ATG13: variants seen among roughly 807,000 people sequenced by gnomAD.
The protein encoded by ATG13 is autophagy-related protein 13.
In ATG13, 23 loss-of-function variants were observed where a neutral mutation model predicts 65.5. That is an observed-to-expected ratio of 0.35 (90% CI 0.25 to 0.50). ATG13 has a LOEUF of 0.50. Ranked by LOEUF, ATG13 falls within the 20% of genes least tolerant of loss-of-function variation. The pLI is 0.98. For missense variants in ATG13, 566 were observed against 677.0 expected (o/e 0.84, Z 1.82); for synonymous variants, 252 against 245.2 (o/e 1.03, Z -0.26).
chr11:46,618,913 G>A (rs2135494160), intron 1 of ATG13, among the ~76,000 whole-genome samples: 1 of 152,250 alleles, frequency 6.6e-6, no homozygotes, highest in South Asian at 2.1e-4. Context: ...AAACTCCTGG[G>A]CTCAGGGAAT....
chr11:46,657,010 A>T (rs1565564581), intron 8 of ATG13, 85 bp from the exon 9 acceptor site: 1 of 1,131,636 alleles, frequency 8.8e-7, no homozygotes, highest in Admixed American at 1.7e-5. Context: ...ATTACACAAT[A>T]GGCCAAATAA....
chr11:46,654,523 C>G lies in ATG13; in HGVS notation c.459-1710C>G, dbSNP rs1436994766. On this transcript the variant is annotated intron_variant, in intron 7 of 18. Transcript: ENST00000683050. ...ATCGCTTGAGTTCAGGAGTTCGATACCAGCCTGGGCAACACACCGAGACCC... is the reference window on the plus strand; with the variant it reads ...ATCGCTTGAGTTCAGGAGTTCGATAGCAGCCTGGGCAACACACCGAGACCC... 2.0e-5 allele frequency among the ~76,000 whole-genome samples: 3 copies of G among 148,646 alleles called. No individual in the cohort carries two copies. In the East Asian group the frequency reaches 6.0e-4, roughly 30 times the overall value.
intron 7 of ATG13, among the ~76,000 whole-genome samples, chr11:46,651,446 C>G (rs2058871873): frequency 6.6e-6 from 1 of 152,162 alleles, no homozygotes; most frequent in Admixed American, 6.6e-5. Flanking sequence ...AGGGTCAGAG[C>G]TCTGCTCAGA....
intron 5 of ATG13, chr11:46,648,859 A>G (rs1460696640): frequency 2.3e-5 from 5 of 221,112 alleles, no homozygotes; most frequent in African/African-American, 1.1e-4. Context: ...ATAAAATGAT[A>G]GTCATATGGT....
At position 46,672,370 on chromosome 11, in the gene ATG13, G is replaced by T. The variant is rs762346949; in HGVS notation, c.*38G>T. 2 of 1,613,880 alleles carry T rather than the reference G, an allele frequency of 1.2e-6. No homozygotes were observed. The highest frequency in any genetic ancestry group is 1.7e-6 in the Non-Finnish European group (2 of 1,179,828). On this transcript the variant is annotated 3_prime_UTR_variant, in exon 19 of 19. Coordinates refer to ENST00000683050, the MANE Select transcript of ATG13 (RefSeq NM_001346311.2). ...GTCCCAGCAGCACCCCCTTTTTGTG[G>T]CCCCAGGGCATAAGCAGCCTCCCAT... is the stretch of plus-strand genomic sequence containing the variant.
intron 11 of ATG13, among the ~76,000 whole-genome samples, chr11:46,663,486 T>C (rs986844163): frequency 6.6e-6 from 1 of 152,090 alleles, no homozygotes; most frequent in Admixed American, 6.6e-5. Flanking sequence ...GAAGCATGCA[T>C]CTGAGCTTCT....
chr11:46,665,564 G>T (rs755969994), intron 14 of ATG13, 45 bp downstream of exon 14: 3 of 1,603,940 alleles, frequency 1.9e-6, no homozygotes, highest in South Asian at 2.2e-5. Flanking sequence ...CTGGCCAGGG[G>T]CCTGGGCTCC....
intron 7 of ATG13, among the ~76,000 whole-genome samples, chr11:46,652,742 T>C (rs565784816): frequency 6.6e-6 from 1 of 152,278 alleles, no homozygotes; most frequent in East Asian, 1.9e-4. Flanking sequence ...AGAAAAAGTT[T>C]AGCAAATTTT....
At chr11:46,650,669 G>C (rs980887694) in intron 7 of ATG13, among the ~76,000 whole-genome samples, 1 of 152,180 alleles carries the variant, frequency 6.6e-6, no homozygotes, top group Non-Finnish European at 1.5e-5. Flanking sequence ...GCAATGGCGC[G>C]ATCTTGGCCC....
intron 13 of ATG13, 94 bp downstream of exon 13, chr11:46,665,053 C>A: frequency 2.4e-6 from 3 of 1,231,934 alleles, no homozygotes; most frequent in South Asian, 1.4e-5. Flanking sequence ...GGGATATGTT[C>A]TAAGTGCTAT....
chr11:46,636,539 C>G (rs1281182525), intron 2 of ATG13, among the ~76,000 whole-genome samples: 1 of 118,980 alleles, frequency 8.4e-6, no homozygotes, highest in Admixed American at 1.2e-4. Flanking sequence ...GCCTGGAGGA[C>G]AGGGCGAGAC....
Position 46,667,863 on chromosome 11 carries a change from T to G in ATG13, c.1227T>G (p.Ala409=). 6 of 1,612,684 alleles carry G rather than the reference T, an allele frequency of 3.7e-6. No individual in the cohort carries two copies. Among genetic ancestry groups the G allele is most frequent in the Non-Finnish European group, 5.1e-6 (6 of 1,178,748 alleles). The part of the protein sequence containing the change: ...LETIFVRKVG[A]FVNKPINQVT... ...CCATCTTTGTCCGAAAAGTGGGGGC[T>G]TTTGTCAACAAACCCATTAACCAGG... is the stretch of plus-strand genomic sequence containing the variant. Residue 409 remains alanine, a synonymous_variant, in exon 15 of 19, where the codon GCT becomes GCG. Coordinates refer to ENST00000683050, the MANE Select transcript of ATG13 (RefSeq NM_001346311.2).
rs1362854426 is a variant in ATG13 at position 46,654,519 on chromosome 11, G to A, written c.459-1714G>A. Among the ~76,000 whole-genome samples the A allele has an allele frequency of 6.8e-5, 10 of 147,510 alleles. No individual in the cohort carries two copies. The South Asian group carries it at 1.6e-3, about 23-fold the overall frequency. On this transcript the variant is annotated intron_variant, in intron 7 of 18. Coordinates refer to ENST00000683050, the MANE Select transcript of ATG13 (RefSeq NM_001346311.2). Reference sequence around the variant, plus strand: ...GAGGATCGCTTGAGTTCAGGAGTTCGATACCAGCCTGGGCAACACACCGAG... The same window carrying A: ...GAGGATCGCTTGAGTTCAGGAGTTCAATACCAGCCTGGGCAACACACCGAG...
chr11:46,649,132 T>A lies in ATG13; in HGVS notation c.271-5T>A. 1 of 1,612,392 alleles carries A rather than the reference T, an allele frequency of 6.2e-7. No homozygotes were observed. On this transcript the variant is annotated splice_region_variant and splice_polypyrimidine_tract_variant and intron_variant, in intron 5 of 18. Transcript: ENST00000683050. ...ACAAATATTTTAAATTTGTCCTTTC[T>A]ACAGGGAGATTCCATGGAGCTGGAA...
Position 46,656,546 on chromosome 11 carries a change from A to G in ATG13, c.499+273A>G, listed in dbSNP as rs2060082156. The G allele has an allele frequency of 1.2e-5, 4 of 325,312 alleles. No individual in the cohort carries two copies. In the East Asian group the frequency reaches 2.0e-4, roughly 16 times the overall value. 20.2% of individuals were successfully genotyped at this position (325,312 alleles called of 1,614,324 possible). On this transcript the variant is annotated intron_variant, in intron 8 of 18. Coordinates refer to ENST00000683050, the MANE Select transcript of ATG13 (RefSeq NM_001346311.2). The stretch of plus-strand genomic sequence containing the variant: ...TAATTTTCTACAGTGAGGATGTTAA[A>G]TGTTTCTGATGAACAACAAGAATTT...
At chr11:46,646,941 G>T (rs1014679018) in intron 5 of ATG13, among the ~76,000 whole-genome samples, 2 of 151,758 alleles carry the variant, frequency 1.3e-5, no homozygotes, top group African/African-American at 4.8e-5. Flanking sequence ...TGTATTTTTT[G>T]TAGAGATGGG....
At chr11:46,647,271 GTTTTTTTTGTTT>G (rs757844122) in intron 5 of ATG13, among the ~76,000 whole-genome samples, 7 of 132,882 alleles carry the variant, frequency 5.3e-5, no homozygotes, top group Non-Finnish European at 7.9e-5. Context: ...TTGGGTTTTT[GTTTTTTTTGTTT>G]TTTTTTTTTG....
In ATG13 at chr11:46,665,656, A is replaced by C. The variant is rs867479536; in HGVS notation, c.1136+137A>C. 7.0e-5 allele frequency: 86 copies of C among 1,235,786 alleles called. No individual in the cohort carries two copies. In the Middle Eastern group the frequency reaches 7.5e-4, roughly 11 times the overall value. The allele number at this position is 1,235,786 out of a possible 1,614,324, so 76.6% of individuals were successfully genotyped here. A position where few individuals can be genotyped will look rare whatever the true frequency, so the allele number is the denominator to read the frequency against. On this transcript the variant is annotated intron_variant, in intron 14 of 18. Transcript: ENST00000683050. ...CATGGCATTTGAGCCCAAAGCATGG[A>C]CTCCTAGCTGGGAGTGGTGGCTCAC...
At position 46,668,771 on chromosome 11, in the gene ATG13, AATCCTGCCTTGCTATG is replaced by A; in HGVS notation, c.1330-21_1330-6del. 1 of 1,583,906 alleles carries A rather than the reference AATCCTGCCTTGCTATG, an allele frequency of 6.3e-7. No homozygotes were observed. The highest frequency in any genetic ancestry group is 8.7e-7 in the Non-Finnish European group (1 of 1,154,006). On this transcript the variant is annotated splice_polypyrimidine_tract_variant and splice_region_variant and intron_variant, in intron 16 of 18. Coordinates refer to ENST00000683050, the MANE Select transcript of ATG13 (RefSeq NM_001346311.2). ...GAATCTGGGTCACAGCATCAGCCCT[AATCCTGCCTTGCTATG>A]AAACAGGTGAATCCTCCAGATTCCC...
Sources: gnomAD v4.1 joint callset for allele counts (sites outside exome capture counted in the v4.1 genomes callset) on GRCh38, gnomAD v4.1.1 for gene constraint, MANE v1.5 for transcripts, NCBI Gene and HGNC (gene_info 2026-07-23, HGNC 2026-07-21) for gene names.